The following MYO16 variants were observed in gnomAD, a reference collection of about 807,000 sequenced individuals.
MYO16 encodes myosin XVI, also known as unconventional myosin-XVI.
MYO16 carries 94 observed loss-of-function variants against 205.3 expected under a neutral mutation model. The ratio of observed to expected loss-of-function variants is 0.46; its 90% CI spans 0.39 to 0.54. MYO16 has a LOEUF of 0.54. MYO16 is among the 20% of genes least tolerant of loss of function. MYO16 has a pLI of 0.00. For synonymous variants in MYO16, 988 were observed against 954.0 expected (o/e 1.04, Z -0.66); for missense variants, 2,315 against 2,387.5 (o/e 0.97, Z 0.63).
intron 23 of MYO16, among the ~76,000 whole-genome samples, chr13:109,038,472 A>G (rs1194170238): frequency 3.9e-5 from 6 of 151,940 alleles, no homozygotes; most frequent in Admixed American, 3.3e-4. Flanking sequence ...TCTGACTTAG[A>G]CTGGAATCTA....
chr13:108,510,023 C>G, the MYO16 span, among the ~76,000 whole-genome samples: 334 of 152,322 alleles, frequency 2.2e-3, no homozygotes, highest in Non-Finnish European at 3.8e-3. Flanking sequence ...CAAGTAACAC[C>G]TGAAATAATC....
chr13:109,175,029 C>T (rs998977973), intron 33 of MYO16, among the ~76,000 whole-genome samples: 5 of 152,008 alleles, frequency 3.3e-5, no homozygotes, highest in Non-Finnish European at 7.4e-5. Flanking sequence ...GTATTACAGG[C>T]GTGAGCCACT....
chr13:109,140,241 G>T lies in MYO16; in HGVS notation c.4052-23G>T. 1 of 1,596,650 alleles carries T rather than the reference G, an allele frequency of 6.3e-7. No individual in the cohort carries two copies. The highest frequency in any genetic ancestry group is 1.1e-5 in the South Asian group (1 of 90,910). On this transcript the variant is annotated intron_variant, in intron 31 of 34. Transcript: ENST00000457511. This position sits in a 1 kb window ranked among gnomAD's most constrained non-coding sequence, Gnocchi z 8.0. ...CCGTGGGCCTGGCCTGGCACCCACTGACCGCGTCCTTTCCTGCCGCAGCTC... is the reference window on the plus strand; with the variant it reads ...CCGTGGGCCTGGCCTGGCACCCACTTACCGCGTCCTTTCCTGCCGCAGCTC...
At chr13:109,095,281 G>T (rs545714668) in intron 27 of MYO16, among the ~76,000 whole-genome samples, 23 of 152,338 alleles carry the variant, frequency 1.5e-4, no homozygotes, top group African/African-American at 4.8e-4. Flanking sequence ...GACAGACGCT[G>T]GGACAGTGTG....
intron 16 of MYO16, among the ~76,000 whole-genome samples, chr13:108,916,543 G>T (rs1048619141): frequency 1.3e-5 from 2 of 152,320 alleles, no homozygotes; most frequent in Admixed American, 1.3e-4. Context: ...AACTTACGAC[G>T]TTCTAGGGAT....
At chr13:108,497,096 T>G in the MYO16 span, among the ~76,000 whole-genome samples, 1 of 152,154 alleles carries the variant, frequency 6.6e-6, no homozygotes, top group Non-Finnish European at 1.5e-5. Flanking sequence ...CTCCCAGTGC[T>G]TTTCACTTAG....
intron 4 of MYO16, among the ~76,000 whole-genome samples, chr13:108,763,952 G>C (rs200554183): frequency 1.3e-5 from 2 of 149,742 alleles, no homozygotes; most frequent in African/African-American, 2.5e-5. Context: ...CGAGAAAAAG[G>C]CTACAAAAAA....
chr13:108,769,425 G>A lies in MYO16; in HGVS notation c.508-16210G>A, dbSNP rs955472676. 1.1e-4 allele frequency among the ~76,000 whole-genome samples: 17 copies of A among 152,154 alleles called. 2 individuals are homozygous for A. On this transcript the variant is annotated intron_variant, in intron 4 of 34. Transcript: ENST00000457511. ...TTCAGAGAGAGGGTTGGGAGCAGAA[G>A]GCTGAATCCACAGAGACACTTGAAA...
intron 32 of MYO16, among the ~76,000 whole-genome samples, chr13:109,154,602 G>A (rs1367416600): frequency 6.6e-6 from 1 of 151,646 alleles, no homozygotes; most frequent in Non-Finnish European, 1.5e-5. Flanking sequence ...TACCATCCAG[G>A]CTGTAGGTGT....
intron 32 of MYO16, among the ~76,000 whole-genome samples, chr13:109,156,949 C>T (rs1416125689): frequency 1.3e-5 from 2 of 152,164 alleles, no homozygotes; most frequent in Non-Finnish European, 2.9e-5. Flanking sequence ...TTCTCTTCTT[C>T]AAAAAATTGC....
At chr13:109,157,010 A>G (rs1271311706) in intron 32 of MYO16, among the ~76,000 whole-genome samples, 1 of 152,114 alleles carries the variant, frequency 6.6e-6, no homozygotes, top group Non-Finnish European at 1.5e-5. Context: ...GTCAACAAGT[A>G]CAACCCCAGA....
At chr13:108,997,341 AG>A (rs1265267203) in intron 21 of MYO16, among the ~76,000 whole-genome samples, 42 of 3,156 alleles carry the variant, frequency 0.013, no homozygotes, top group African/African-American at 0.055. Flanking sequence ...AGAAAGAAAG[AG>A]AGAGAGAGAG....
intron 12 of MYO16, among the ~76,000 whole-genome samples, chr13:108,873,790 G>C (rs1488181654): frequency 6.6e-6 from 1 of 151,756 alleles, no homozygotes; most frequent in Non-Finnish European, 1.5e-5. Context: ...AACCAACCAG[G>C]ACAGGGTCCA....
At chr13:108,815,127 A>G (rs148892304) in intron 7 of MYO16, among the ~76,000 whole-genome samples, 229 of 152,316 alleles carry the variant, frequency 1.5e-3, no homozygotes, top group Middle Eastern at 6.8e-3. Flanking sequence ...ACTTCACACT[A>G]CAAAATGTTG....
chr13:108,904,687 T>G lies in MYO16; in HGVS notation c.1778-5316T>G, dbSNP rs78107389. Among the ~76,000 whole-genome samples the G allele has an allele frequency of 3.0e-3, 452 of 152,268 alleles. 3 individuals carry two copies. Among genetic ancestry groups the G allele is most frequent in the Non-Finnish European group, 5.4e-3 (365 of 68,024 alleles). Reference sequence around the variant, plus strand: ...ATGAAAAAAAGTGGGGAAATAAACTTTCTTCTCCTTCAAGAAAAAAAAAGT... The same window carrying G: ...ATGAAAAAAAGTGGGGAAATAAACTGTCTTCTCCTTCAAGAAAAAAAAAGT... On this transcript the variant is annotated intron_variant, in intron 15 of 34. Coordinates refer to ENST00000457511, the MANE Select transcript of MYO16 (RefSeq NM_001198950.3).
chr13:109,122,911 G>A (rs1876060320), intron 29 of MYO16, among the ~76,000 whole-genome samples: 1 of 152,084 alleles, frequency 6.6e-6, no homozygotes, highest in Non-Finnish European at 1.5e-5. Context: ...ACCATTTCCA[G>A]TTGTTGTTTT....
chr13:108,574,949 G>A, the MYO16 span, among the ~76,000 whole-genome samples: 1 of 152,096 alleles, frequency 6.6e-6, no homozygotes, highest in Non-Finnish European at 1.5e-5. Context: ...ACACACTCCA[G>A]TGTGACTAAT....
intron 1 of MYO16, among the ~76,000 whole-genome samples, chr13:108,660,608 G>A (rs1310624886): frequency 6.6e-6 from 1 of 151,886 alleles, no homozygotes; most frequent in African/African-American, 2.4e-5. Context: ...GCTTCCTTTT[G>A]GTGTCCATTT....
At chr13:109,067,114 G>A (rs1887773353) in intron 27 of MYO16, among the ~76,000 whole-genome samples, 2 of 152,074 alleles carry the variant, frequency 1.3e-5, no homozygotes, top group South Asian at 4.1e-4. Flanking sequence ...TCATCATCAT[G>A]GGTCACCGCT....
Sources: gnomAD v4.1 joint callset for allele counts (sites outside exome capture counted in the v4.1 genomes callset) on GRCh38, gnomAD v4.1.1 for gene constraint, Gnocchi (gnomAD v3.1) non-coding constraint, MANE v1.5 for transcripts, NCBI Gene and HGNC (gene_info 2026-07-23, HGNC 2026-07-21) for gene names.